Variants in KCNMA1 observed in about 807,000 individuals in gnomAD.
KCNMA1 encodes potassium calcium-activated channel subfamily M alpha 1.
Under a neutral mutation model 140.0 loss-of-function variants are expected in KCNMA1, and 29 were observed. The observed-to-expected ratio is 0.21, with a 90% CI of 0.15 to 0.28. The LOEUF is 0.28. KCNMA1 is among the 10% of genes least tolerant of loss of function. KCNMA1 has a pLI of 1.00. For missense variants in KCNMA1, 880 were observed against 1,602.2 expected, an observed-to-expected ratio of 0.55 and a Z score of 7.70; for synonymous variants, 612 against 611.9, an observed-to-expected ratio of 1.00 and a Z score of 0.00.
At chr10:76,954,264 A>T (rs981745957) in intron 20 of KCNMA1, among the ~76,000 whole-genome samples, 5 of 122,024 alleles carry the variant, frequency 4.1e-5, no homozygotes, top group Admixed American at 8.1e-5. Context: ...CGATCTCCCC[A>T]GCGTGCACAC....
intron 2 of KCNMA1, among the ~76,000 whole-genome samples, chr10:77,335,261 A>T (rs1385410442): frequency 6.6e-6 from 1 of 152,222 alleles, no homozygotes; most frequent in Non-Finnish European, 1.5e-5. Flanking sequence ...TTACCCACTG[A>T]GAGTCCCTGT....
rs1360606391 is a variant in KCNMA1, at chr10:76,892,870, G to A, written c.3148-1151C>T. Among the ~76,000 whole-genome samples the A allele has an allele frequency of 3.3e-5, 5 of 152,204 alleles. No homozygotes were observed. The South Asian group carries it at 8.3e-4, about 25-fold the overall frequency. ...CTGAATTAAGATGATAGTTACTAGC[G>A]GGGCTGGATTCACAATCCTCATTGA... is the stretch of plus-strand genomic sequence containing the variant. On this transcript the variant is annotated intron_variant, in intron 25 of 27. Coordinates refer to ENST00000286628, the MANE Select transcript of KCNMA1 (RefSeq NM_001161352.2).
chr10:76,928,211 C>A (rs918053629), intron 23 of KCNMA1, among the ~76,000 whole-genome samples: 3 of 151,538 alleles, frequency 2.0e-5, no homozygotes, highest in Non-Finnish European at 4.4e-5. Flanking sequence ...TTTTGAAATG[C>A]TACGGGACTT....
chr10:76,878,659 A>G lies in KCNMA1; in HGVS notation c.3428-769T>C, dbSNP rs192522261. 1.9e-3 allele frequency among the ~76,000 whole-genome samples: 283 copies of G among 152,354 alleles called. 1 individual carries two copies. Among genetic ancestry groups the G allele is most frequent in the African/African-American group, 6.3e-3 (264 of 41,586 alleles). On this transcript the variant is annotated intron_variant, in intron 29 of 29. Coordinates refer to the KCNMA1 transcript ENST00000372403. ...CCCAAGCTGTCGACAAGGGAGCTCA[A>G]TGAAGTCTTGGCATTTCATTTCCAC...
chr10:76,919,980 C>A (rs2054655621), intron 23 of KCNMA1, among the ~76,000 whole-genome samples: 2 of 106,526 alleles, frequency 1.9e-5, no homozygotes, highest in East Asian at 3.2e-4. Flanking sequence ...AGGCAATGAG[C>A]ATTGTGTGTG....
intron 3 of KCNMA1, among the ~76,000 whole-genome samples, chr10:77,232,760 G>A (rs74718334): frequency 0.012 from 1,760 of 152,154 alleles, 39 homozygotes; most frequent in African/African-American, 0.04. Flanking sequence ...GGTCTACCCC[G>A]TCTTCTCTCC....
intron 2 of KCNMA1, among the ~76,000 whole-genome samples, chr10:77,297,095 G>C (rs1183128086): frequency 4.6e-5 from 7 of 152,106 alleles, no homozygotes; most frequent in Non-Finnish European, 1.0e-4. Context: ...AACTTGTGAG[G>C]ACGGAGGTCC....
intron 13 of KCNMA1, chr10:77,078,124 G>C (rs964181242): frequency 6.6e-6 from 1 of 152,252 alleles, no homozygotes; most frequent in African/African-American, 2.4e-5. Flanking sequence ...GCATTTGGCA[G>C]AATGGGGTTT....
At chr10:76,992,196 C>G (rs1439106998) in intron 19 of KCNMA1, among the ~76,000 whole-genome samples, 1 of 152,042 alleles carries the variant, frequency 6.6e-6, no homozygotes, top group Non-Finnish European at 1.5e-5. Context: ...ATTAGCTCCC[C>G]CTGAGGATGA....
At chr10:77,543,056 ATTCTCTCTCTCT>A (rs2060568782) in intron 1 of KCNMA1, among the ~76,000 whole-genome samples, 1 of 151,208 alleles carries the variant, frequency 6.6e-6, no homozygotes, top group South Asian at 2.1e-4. Flanking sequence ...TCTCTCTCTC[ATTCTCTCTCTCT>A]TTCTCTCACA....
intron 3 of KCNMA1, among the ~76,000 whole-genome samples, chr10:77,228,669 C>T (rs2052438423): frequency 6.6e-6 from 1 of 152,138 alleles, no homozygotes; most frequent in Non-Finnish European, 1.5e-5. Flanking sequence ...ATGAGCCTGC[C>T]CAAGTGTCTT....
At chr10:77,530,392 T>A (rs2057313337) in intron 1 of KCNMA1, among the ~76,000 whole-genome samples, 1 of 152,180 alleles carries the variant, frequency 6.6e-6, no homozygotes, top group Non-Finnish European at 1.5e-5. Flanking sequence ...TGTAAAAAAA[T>A]TGTCTAAGTC....
intron 1 of KCNMA1, among the ~76,000 whole-genome samples, chr10:77,447,016 C>T (rs1234157926): frequency 6.6e-6 from 1 of 152,204 alleles, no homozygotes; most frequent in Non-Finnish European, 1.5e-5. Flanking sequence ...ATGTGCTGCC[C>T]CCAACCTCAC....
chr10:77,201,107 C>T (rs763246636), intron 3 of KCNMA1, among the ~76,000 whole-genome samples: 1 of 152,084 alleles, frequency 6.6e-6, no homozygotes, highest in Non-Finnish European at 1.5e-5. Context: ...GGGGGTGAGG[C>T]TTTCTTTTGG....
At chr10:77,103,464 GACTA>G (rs779561473) in intron 9 of KCNMA1, among the ~76,000 whole-genome samples, 30 of 152,346 alleles carry the variant, frequency 2.0e-4, no homozygotes, top group African/African-American at 3.4e-4. Flanking sequence ...CTGTGCGGCA[GACTA>G]ACTAAGGAGT....
intron 8 of KCNMA1, among the ~76,000 whole-genome samples, chr10:77,109,794 C>A (rs1194571293): frequency 6.6e-6 from 1 of 152,194 alleles, no homozygotes; most frequent in Non-Finnish European, 1.5e-5. Flanking sequence ...CAAACTGTCT[C>A]TACAAAGTAT....
chr10:77,323,512 C>T (rs2082965277), intron 2 of KCNMA1, among the ~76,000 whole-genome samples: 1 of 152,164 alleles, frequency 6.6e-6, no homozygotes, highest in Admixed American at 6.5e-5. Context: ...TAGCTTTGGA[C>T]CTGTGAGATT....
At chr10:77,249,691 T>C (rs1429244940) in intron 3 of KCNMA1, 1 of 152,046 alleles carries the variant, frequency 6.6e-6, no homozygotes, top group Non-Finnish European at 1.5e-5. Flanking sequence ...TGGAGAGAGA[T>C]TGGAGAAATA....
chr10:77,384,893 C>G (rs2095548898), intron 2 of KCNMA1, among the ~76,000 whole-genome samples: 1 of 152,178 alleles, frequency 6.6e-6, no homozygotes, highest in Non-Finnish European at 1.5e-5. Flanking sequence ...TGAGAAGCAC[C>G]ATGGTAACAT....
Sources: allele counts gnomAD v4.1 joint callset (sites outside exome capture counted in the v4.1 genomes callset), GRCh38; gene constraint gnomAD v4.1.1; transcripts MANE v1.5; gene names NCBI Gene and HGNC (gene_info 2026-07-23, HGNC 2026-07-21).